NOL10: variants seen among roughly 807,000 people sequenced by gnomAD.
The protein encoded by NOL10 is H_NH0074G24.1.
A neutral mutation model predicts 103.5 loss-of-function variants in NOL10; 58 were observed. That is an observed-to-expected ratio of 0.56 (90% confidence interval 0.45 to 0.70). The LOEUF (loss-of-function observed/expected upper bound fraction) is 0.70. Ranked by LOEUF, NOL10 falls within the 30% of genes least tolerant of loss-of-function variation. NOL10 has a pLI of 0.00. For missense variants in NOL10, 763 were observed against 807.3 expected, an observed-to-expected ratio of 0.95 and a Z score of 0.67; for synonymous variants, 287 against 282.5, an observed-to-expected ratio of 1.02 and a Z score of -0.16.
intron 13 of NOL10, among the ~76,000 whole-genome samples, chr2:10,629,917 A>G (rs1677727200): frequency 6.6e-6 from 1 of 152,192 alleles, no homozygotes; most frequent in African/African-American, 2.4e-5. Flanking sequence ...TCCCCTGAGT[A>G]GCTAAAACTA....
chr2:10,637,202 A>AAAAAC (rs1470997129), intron 13 of NOL10, among the ~76,000 whole-genome samples: 2 of 150,474 alleles, frequency 1.3e-5, no homozygotes, highest in Non-Finnish European at 3.0e-5. Context: ...AAAAAAAAAA[A>AAAAAC]AAAAAAAAAA....
chr2:10,618,028 CTTCATGTT>C (rs564590834), intron 13 of NOL10, among the ~76,000 whole-genome samples: 1,510 of 106,540 alleles, frequency 0.014, 16 homozygotes, highest in Admixed American at 0.023. Context: ...GGACTGTACA[CTTCATGTT>C]TTTTTTTTTT....
intron 19 of NOL10, among the ~76,000 whole-genome samples, chr2:10,587,521 T>C (rs927457783): frequency 6.6e-6 from 1 of 151,132 alleles, no homozygotes; most frequent in Admixed American, 6.6e-5. Flanking sequence ...TGCCCCCCCC[T>C]TGGCCTCCCA....
chr2:10,655,784 C>T (rs1390136457), intron 11 of NOL10, among the ~76,000 whole-genome samples: 3 of 152,186 alleles, frequency 2.0e-5, no homozygotes, highest in African/African-American at 7.2e-5. Context: ...ACTCATTATG[C>T]AAAGTCTGAC....
rs1553303538 is a variant in NOL10, at chr2:10,626,021, A to AT, written c.1026+18298dup. ...AAACCCTGTCTCTATGAAAAAAAAA[A>AT]TTTTTTTTTAATTAGCCAGGCATGG... On this transcript the variant is annotated intron_variant, in intron 13 of 20. Coordinates refer to ENST00000381685, the MANE Select transcript of NOL10 (RefSeq NM_024894.4). Among the ~76,000 whole-genome samples the AT allele has an allele frequency of 1.4e-4, 21 of 150,648 alleles. 1 individual carries two copies. In the East Asian group the frequency reaches 2.4e-3, roughly 17 times the overall value.
chr2:10,659,373 C>T, intron 9 of NOL10, 123 bp from the exon 10 acceptor site: 1 of 659,318 alleles, frequency 1.5e-6, no homozygotes, highest in Non-Finnish European at 2.7e-6. Flanking sequence ...CATTTCTAGG[C>T]TTCTGTTTAA....
At chr2:10,639,401 G>A (rs1178411929) in intron 13 of NOL10, among the ~76,000 whole-genome samples, 1 of 152,110 alleles carries the variant, frequency 6.6e-6, no homozygotes, top group African/African-American at 2.4e-5. Flanking sequence ...CAGCCTGGGC[G>A]ACAGAGCGAG....
At chr2:10,676,253 A>G in intron 3 of NOL10, among the ~76,000 whole-genome samples, 1 of 152,234 alleles carries the variant, frequency 6.6e-6, no homozygotes, top group Non-Finnish European at 1.5e-5. Flanking sequence ...TTTGAAGGAC[A>G]ATCCCTAAAA....
chr2:10,646,518 T>C (rs1277595067), intron 12 of NOL10, among the ~76,000 whole-genome samples: 1 of 151,990 alleles, frequency 6.6e-6, no homozygotes, highest in Non-Finnish European at 1.5e-5. Flanking sequence ...GTGAGGAGGG[T>C]CAGGGCTGAA....
In NOL10 at chr2:10,637,507, G is replaced by T. The variant is rs1354714470; in HGVS notation, c.1026+6813C>A. Among the ~76,000 whole-genome samples, 9 of 152,294 alleles carry T rather than the reference G, an allele frequency of 5.9e-5. No individual in the cohort carries two copies. In the East Asian group the frequency reaches 1.7e-3, roughly 29 times the overall value. ...CCTAGCCCAGTGACTGAAGCCCTGA[G>T]GAGATACCAGCGTTGAACCCTGTGA... On this transcript the variant is annotated intron_variant, in intron 13 of 20. Coordinates refer to ENST00000381685, the MANE Select transcript of NOL10 (RefSeq NM_024894.4).
intron 19 of NOL10, among the ~76,000 whole-genome samples, chr2:10,587,132 TATATACAC>T (rs1289153447): frequency 2.1e-5 from 1 of 47,116 alleles, no homozygotes; most frequent in Non-Finnish European, 4.0e-5. Flanking sequence ...TATATATACA[TATATACAC>T]ATATATATAC....
At chr2:10,663,135 G>T (rs1400552453) in intron 8 of NOL10, 91 bp from the exon 9 acceptor site, 4 of 981,842 alleles carry the variant, frequency 4.1e-6, no homozygotes, top group Non-Finnish European at 6.3e-6. Context: ...GGGAGGCCGA[G>T]GCGGGCTGAT....
In NOL10 at chr2:10,635,254, C is replaced by A. The variant is rs576491976; in HGVS notation, c.1026+9066G>T. On this transcript the variant is annotated intron_variant, in intron 13 of 20. Transcript: ENST00000381685. ...TTCCACTTGTGGAGTCATGTTGGCACTCAAAAGAGTTTTAAATTTTGGAGC... is the reference window on the plus strand; with the variant it reads ...TTCCACTTGTGGAGTCATGTTGGCAATCAAAAGAGTTTTAAATTTTGGAGC... Among the ~76,000 whole-genome samples the A allele has an allele frequency of 3.3e-5, 5 of 152,296 alleles. No homozygotes were observed. In the South Asian group the frequency reaches 1.0e-3, roughly 32 times the overall value.
At chr2:10,688,784 A>G (rs997730636) in intron 1 of NOL10, among the ~76,000 whole-genome samples, 3 of 152,202 alleles carry the variant, frequency 2.0e-5, no homozygotes, top group African/African-American at 7.2e-5. Context: ...TTCTCAATAC[A>G]TGTGGAGAAT....
intron 19 of NOL10, among the ~76,000 whole-genome samples, chr2:10,584,452 G>A (rs73165952): frequency 0.014 from 2,056 of 152,260 alleles, 58 homozygotes; most frequent in African/African-American, 0.047. Context: ...ACCAAGCAAC[G>A]CAGACAGCTC....
chr2:10,641,966 C>G (rs1205146322), intron 13 of NOL10, among the ~76,000 whole-genome samples: 1 of 152,182 alleles, frequency 6.6e-6, no homozygotes, highest in African/African-American at 2.4e-5. Flanking sequence ...TTTTGACATG[C>G]AGAAGGGATC....
rs1679704337 is a variant in NOL10 at position 10,654,645 on chromosome 2, A to T, written c.907-98T>A. The T allele has an allele frequency of 3.9e-5, 23 of 591,318 alleles. No individual in the cohort carries two copies. The South Asian group carries it at 5.9e-4, about 15-fold the overall frequency. The allele number at this position is 591,318 out of a possible 1,614,324, so 36.6% of individuals were successfully genotyped here. On this transcript the variant is annotated intron_variant, in intron 11 of 20. Coordinates refer to ENST00000381685, the MANE Select transcript of NOL10 (RefSeq NM_024894.4). ...GTAACTCAACCATCTACTCCTATGTAAAGAAATAAAATAGCCTACTTCAAA... is the reference window on the plus strand; with the variant it reads ...GTAACTCAACCATCTACTCCTATGTTAAGAAATAAAATAGCCTACTTCAAA...
intron 7 of NOL10, 103 bp downstream of exon 7, chr2:10,668,555 G>C (rs1680700451): frequency 2.1e-6 from 1 of 476,074 alleles, no homozygotes; most frequent in Non-Finnish European, 3.8e-6. Flanking sequence ...GTTGCTGGGA[G>C]TTTTGCTTAA....
Position 10,638,330 on chromosome 2 carries a change from G to GACGTGACGTA in NOL10, c.1026+5989_1026+5990insTACGTCACGT, listed in dbSNP as rs1553306407. 2.1e-3 allele frequency among the ~76,000 whole-genome samples: 195 copies of GACGTGACGTA among 92,812 alleles called. 1 individual carries two copies. The highest frequency in any genetic ancestry group is 3.0e-3 in the South Asian group (9 of 3,014). The allele number at this position is 92,812 out of a possible 152,430, so 60.9% of individuals were successfully genotyped here. A position where few individuals can be genotyped will look rare whatever the true frequency, so the allele number is the denominator to read the frequency against. The stretch of plus-strand genomic sequence containing the variant: ...GACGTGACGTGACGTGACGTGACGT[G>GACGTGACGTA]ACGTAACGTAACGTAACGTAACGTA... On this transcript the variant is annotated intron_variant, in intron 13 of 20. Coordinates refer to ENST00000381685, the MANE Select transcript of NOL10 (RefSeq NM_024894.4).
Sources: allele counts gnomAD v4.1 joint callset (sites outside exome capture counted in the v4.1 genomes callset), GRCh38; gene constraint gnomAD v4.1.1; transcripts MANE v1.5; gene names NCBI Gene and HGNC (gene_info 2026-07-23, HGNC 2026-07-21).